The following EXOC6B variants were observed in gnomAD, a reference collection of about 807,000 sequenced individuals.
The protein encoded by EXOC6B is exocyst complex component 6B, also known as SEC15 homolog B.
Under a neutral mutation model 113.5 loss-of-function variants are expected in EXOC6B, and 54 were observed. The observed-to-expected ratio is 0.48, with a 90% CI of 0.38 to 0.60. EXOC6B has a LOEUF of 0.60. Ranked by LOEUF, EXOC6B falls within the 20% of genes least tolerant of loss-of-function variation. EXOC6B has a pLI of 0.00. For synonymous variants in EXOC6B, 357 were observed against 339.0 expected, an observed-to-expected ratio of 1.05 and a Z score of -0.58; for missense variants, 797 against 977.5, an observed-to-expected ratio of 0.82 and a Z score of 2.46.
intron 7 of EXOC6B, among the ~76,000 whole-genome samples, chr2:72,567,836 G>C (rs1377191256): frequency 6.6e-6 from 1 of 151,952 alleles, no homozygotes; most frequent in Non-Finnish European, 1.5e-5. Flanking sequence ...AAAAAATAAG[G>C]GGAGAAAAGG....
intron 20 of EXOC6B, among the ~76,000 whole-genome samples, chr2:72,304,274 T>C (rs1048844100): frequency 6.6e-5 from 10 of 152,238 alleles, no homozygotes; most frequent in African/African-American, 1.9e-4. Context: ...ATAATGAACA[T>C]TTTATACTTA....
chr2:72,522,890 T>C (rs758838534), intron 8 of EXOC6B, among the ~76,000 whole-genome samples: 13 of 152,232 alleles, frequency 8.5e-5, no homozygotes, highest in African/African-American at 1.2e-4. Flanking sequence ...TAATTTAGCA[T>C]GATCCACTTT....
At position 72,575,651 on chromosome 2, in the gene EXOC6B, G is replaced by A. The variant is rs1486498913; in HGVS notation, c.687C>T (p.Asn229=). 1.3e-6 allele frequency: 2 copies of A among 1,598,530 alleles called. No individual in the cohort carries two copies. The highest frequency in any genetic ancestry group is 1.1e-5 in the South Asian group (1 of 88,232). ...GTTGTTGCAAGACGATGTTATCCAG[G>A]TTTCTTTGCTGCTGGGCCTAGGATA... The part of the protein sequence containing the change: ...TAMKQAQQQR[N]LDNIVLQQPR... The change falls in exon 7 of 22, where the codon AAC becomes AAT. Residue 229 remains asparagine (N), a synonymous_variant. Transcript: ENST00000272427.
At chr2:72,626,578 C>T (rs1452599394) in intron 6 of EXOC6B, among the ~76,000 whole-genome samples, 1 of 152,104 alleles carries the variant, frequency 6.6e-6, no homozygotes, top group African/African-American at 2.4e-5. Context: ...CTAGGAACTG[C>T]CTAGGATGTT....
chr2:72,543,191 A>C (rs1702709112), intron 8 of EXOC6B, among the ~76,000 whole-genome samples: 1 of 149,428 alleles, frequency 6.7e-6, no homozygotes, highest in South Asian at 2.1e-4. Flanking sequence ...ACAACCAGAA[A>C]TGAGGTGAGA....
At chr2:72,615,826 G>A (rs1401142855) in intron 6 of EXOC6B, among the ~76,000 whole-genome samples, 3 of 152,070 alleles carry the variant, frequency 2.0e-5, no homozygotes, top group Non-Finnish European at 2.9e-5. Flanking sequence ...AGAAGGCATG[G>A]TTATTATAGA....
At chr2:72,710,259 T>C (rs1679187002) in intron 6 of EXOC6B, among the ~76,000 whole-genome samples, 1 of 152,152 alleles carries the variant, frequency 6.6e-6, no homozygotes, top group Admixed American at 6.5e-5. Flanking sequence ...AAATTAGATT[T>C]AAGGAATAAA....
chr2:72,618,508 A>G (rs1671542178), intron 6 of EXOC6B, among the ~76,000 whole-genome samples: 1 of 152,164 alleles, frequency 6.6e-6, no homozygotes, highest in Non-Finnish European at 1.5e-5. Flanking sequence ...TCCTTTTTTC[A>G]TATAGCACCC....
intron 11 of EXOC6B, among the ~76,000 whole-genome samples, chr2:72,510,102 G>A (rs1700812957): frequency 6.6e-6 from 1 of 151,956 alleles, no homozygotes; most frequent in South Asian, 2.1e-4. Flanking sequence ...CCAAAGTGCT[G>A]GAATTACAGG....
rs557403902 is a variant in EXOC6B at position 72,589,543 on chromosome 2, A to G, written c.670-13875T>C. 1.2e-4 allele frequency among the ~76,000 whole-genome samples: 18 copies of G among 150,770 alleles called. No homozygotes were observed. The East Asian group carries it at 3.5e-3, about 30-fold the overall frequency. ...AACACATTCCAGGAAAAAAAAAAGT[A>G]TTTTTTGTTAAAAGAGTAATGTTTT... On this transcript the variant is annotated intron_variant, in intron 6 of 21. Coordinates refer to ENST00000272427, the MANE Select transcript of EXOC6B (RefSeq NM_015189.3).
intron 1 of EXOC6B, among the ~76,000 whole-genome samples, chr2:72,812,330 T>C (rs561608049): frequency 3.0e-4 from 45 of 152,222 alleles, no homozygotes; most frequent in Admixed American, 2.4e-3. Context: ...TCTAACAAAA[T>C]ATGTGCCAAC....
At chr2:72,669,900 C>G (rs941247956) in intron 6 of EXOC6B, among the ~76,000 whole-genome samples, 4 of 152,288 alleles carry the variant, frequency 2.6e-5, no homozygotes, top group African/African-American at 9.6e-5. Context: ...AAAGAAAATG[C>G]TTGAATTAGT....
chr2:72,809,356 C>A (rs1300824497), intron 1 of EXOC6B, among the ~76,000 whole-genome samples: 1 of 151,954 alleles, frequency 6.6e-6, no homozygotes, highest in African/African-American at 2.4e-5. Flanking sequence ...TATAACGATA[C>A]AGGCAGGTTC....
At chr2:72,338,920 C>CATACACATACACATACAT (rs1688857100) in intron 19 of EXOC6B, among the ~76,000 whole-genome samples, 1 of 143,872 alleles carries the variant, frequency 7.0e-6, no homozygotes. Context: ...CACACATACA[C>CATACACATACACATACAT]ATACACATAC....
chr2:72,287,470 T>G (rs1322981320), intron 20 of EXOC6B, among the ~76,000 whole-genome samples: 1 of 147,350 alleles, frequency 6.8e-6, no homozygotes, highest in Non-Finnish European at 1.5e-5. Context: ...AATAAAAAAA[T>G]AAAGAATATA....
At chr2:72,489,582 C>A (rs1157381652) in intron 16 of EXOC6B, among the ~76,000 whole-genome samples, 4 of 152,136 alleles carry the variant, frequency 2.6e-5, no homozygotes, top group Non-Finnish European at 5.9e-5. Context: ...ATACATGCTA[C>A]CATTATCCCC....
intron 6 of EXOC6B, among the ~76,000 whole-genome samples, chr2:72,648,225 A>G (rs868484427): frequency 3.4e-4 from 52 of 152,364 alleles, no homozygotes; most frequent in Middle Eastern, 3.4e-3. Flanking sequence ...CAAAACCACA[A>G]TGAAATATTT....
rs138849370 is a variant in EXOC6B at position 72,531,324 on chromosome 2, G to A, written c.916-16198C>T. Among the ~76,000 whole-genome samples the A allele has an allele frequency of 1.2e-4, 19 of 152,176 alleles. No individual in the cohort carries two copies. The East Asian group carries it at 3.7e-3, about 29-fold the overall frequency. On this transcript the variant is annotated intron_variant, in intron 8 of 21. Coordinates refer to ENST00000272427, the MANE Select transcript of EXOC6B (RefSeq NM_015189.3). ...GGTGTTTCCATTTTACCAGTTCCAG[G>A]GAAGAGTAGAAACCTTACTTCCCTT... is the stretch of plus-strand genomic sequence containing the variant.
At chr2:72,491,633 C>T (rs1281462631) in intron 16 of EXOC6B, among the ~76,000 whole-genome samples, 1 of 152,078 alleles carries the variant, frequency 6.6e-6, no homozygotes, top group Non-Finnish European at 1.5e-5. Context: ...GAGAACTTCA[C>T]ATCTTTCTAA....
Sources: allele counts gnomAD v4.1 joint callset (sites outside exome capture counted in the v4.1 genomes callset), GRCh38; gene constraint gnomAD v4.1.1; transcripts MANE v1.5; gene names NCBI Gene and HGNC (gene_info 2026-07-23, HGNC 2026-07-21).